The following SP4 variants were observed in gnomAD, a reference collection of about 807,000 sequenced individuals.
The protein encoded by SP4 is transcription factor Sp4.
Under a neutral mutation model 72.8 loss-of-function variants are expected in SP4, and 19 were observed. The observed-to-expected ratio is 0.26, with a 90% CI of 0.18 to 0.38. The LOEUF is 0.38. SP4 is among the 10% of genes least tolerant of loss of function. The pLI, the probability that SP4 is intolerant of heterozygous loss-of-function variation, is 1.00. For missense variants in SP4, 1,008 were observed against 926.3 expected (o/e 1.09, Z -1.14); for synonymous variants, 395 against 333.1 (o/e 1.19, Z -2.02).
chr7:21,460,431 C>G (rs1224239315), intron 3 of SP4, among the ~76,000 whole-genome samples: 4 of 151,932 alleles, frequency 2.6e-5, no homozygotes, highest in Non-Finnish European at 5.9e-5. Context: ...AGGAGTGAAG[C>G]TGCAGACCTT....
chr7:21,485,222 T>C (rs1394082581), intron 5 of SP4, among the ~76,000 whole-genome samples: 1 of 152,010 alleles, frequency 6.6e-6, no homozygotes, highest in Non-Finnish European at 1.5e-5. Context: ...TAGCAACAAC[T>C]ATGCTTTATT....
intron 5 of SP4, among the ~76,000 whole-genome samples, chr7:21,499,760 A>T (rs1211067267): frequency 1.3e-5 from 2 of 152,248 alleles, no homozygotes; most frequent in African/African-American, 4.8e-5. Context: ...ATATGGAGGT[A>T]TATTATCAAA....
chr7:21,454,395 T>G (rs189616940), intron 3 of SP4, among the ~76,000 whole-genome samples: 1 of 151,132 alleles, frequency 6.6e-6, no homozygotes. Flanking sequence ...ATCTACAACA[T>G]ACTTGGACTC....
intron 5 of SP4, among the ~76,000 whole-genome samples, chr7:21,499,038 C>T (rs1484846568): frequency 2.7e-5 from 4 of 149,288 alleles, no homozygotes; most frequent in Non-Finnish European, 4.4e-5. Flanking sequence ...CGAGATCACG[C>T]CACTGCACTC....
intron 4 of SP4, among the ~76,000 whole-genome samples, chr7:21,480,634 A>G (rs565811584): frequency 6.6e-6 from 1 of 152,278 alleles, no homozygotes; most frequent in South Asian, 2.1e-4. Context: ...CAGTCTAGCT[A>G]AAAGTTTGTT....
intron 4 of SP4, among the ~76,000 whole-genome samples, chr7:21,481,229 A>G (rs1199588159): frequency 6.6e-6 from 1 of 152,330 alleles, no homozygotes; most frequent in East Asian, 1.9e-4. Context: ...TAAGATAAGA[A>G]ATGCAGACAT....
Position 21,428,185 on chromosome 7 carries a change from C to A in SP4, c.-67C>A. ...GGGCGGGACCGGCCTCTCCTCCCGCCTCGCCCCCACCCCCACCCACCTCTA... is the reference window on the plus strand; with the variant it reads ...GGGCGGGACCGGCCTCTCCTCCCGCATCGCCCCCACCCCCACCCACCTCTA... On this transcript the variant is annotated 5_prime_UTR_variant, in exon 1 of 6. Transcript: ENST00000222584. 1 of 622,634 alleles carries A rather than the reference C, an allele frequency of 1.6e-6. No homozygotes were observed. The highest frequency in any genetic ancestry group is 1.6e-5 in the South Asian group (1 of 64,056). 38.6% of individuals were successfully genotyped at this position (622,634 alleles called of 1,614,324 possible).
At chr7:21,455,627 T>C (rs949914941) in intron 3 of SP4, among the ~76,000 whole-genome samples, 2 of 152,218 alleles carry the variant, frequency 1.3e-5, no homozygotes, top group Non-Finnish European at 2.9e-5. Context: ...GAGACACCAA[T>C]ATGAACAGGG....
chr7:21,482,561 C>G (rs1784715424), intron 5 of SP4: 1 of 564,438 alleles, frequency 1.8e-6, no homozygotes, highest in Non-Finnish European at 2.2e-6. Flanking sequence ...AACCCTCAGT[C>G]AGAATGGTCA....
At chr7:21,455,500 C>T (rs1474403559) in intron 3 of SP4, among the ~76,000 whole-genome samples, 1 of 152,144 alleles carries the variant, frequency 6.6e-6, no homozygotes, top group African/African-American at 2.4e-5. Context: ...CTCTTACTTT[C>T]CTATATCCTG....
chr7:21,484,565 A>G (rs1784765197), intron 5 of SP4, among the ~76,000 whole-genome samples: 1 of 151,942 alleles, frequency 6.6e-6, no homozygotes, highest in South Asian at 2.1e-4. Context: ...CTTTCTGTAT[A>G]GTATATACAC....
At chr7:21,438,146 G>A (rs1168937381) in intron 3 of SP4, among the ~76,000 whole-genome samples, 3 of 151,922 alleles carry the variant, frequency 2.0e-5, no homozygotes, top group Admixed American at 6.6e-5. Flanking sequence ...ATTAAAGATT[G>A]GATGTTCATC....
rs1413206062 is a variant in SP4 at position 21,429,360 on chromosome 7, A to C, written c.195A>C (p.Gln65His). ...AAATAGGGACTCCTGGTGAAAATCAAGCAACTGGACAACAACAAATTATTA... is the reference window on the plus strand; with the variant it reads ...AAATAGGGACTCCTGGTGAAAATCACGCAACTGGACAACAACAAATTATTA... ...CSKIGTPGEN[Q>H]ATGQQQIIID... Residue 65 changes from glutamine (Q) to histidine (H), a missense_variant, in exon 3 of 6, where the codon CAA becomes CAC. Transcript: ENST00000222584. 1 of 1,613,896 alleles carries C rather than the reference A, an allele frequency of 6.2e-7. No individual in the cohort carries two copies. Among genetic ancestry groups the C allele is most frequent in the African/African-American group, 1.3e-5 (1 of 74,880 alleles).
At chr7:21,500,881 G>A (rs1345465635) in intron 5 of SP4, among the ~76,000 whole-genome samples, 1 of 152,132 alleles carries the variant, frequency 6.6e-6, no homozygotes, top group Admixed American at 6.5e-5. Flanking sequence ...GTTACTTAAT[G>A]TGGGAAACAC....
At chr7:21,442,709 T>A (rs1783299807) in intron 3 of SP4, among the ~76,000 whole-genome samples, 1 of 152,172 alleles carries the variant, frequency 6.6e-6, no homozygotes, top group Non-Finnish European at 1.5e-5. Context: ...GGATTTCACA[T>A]GCAATTTTTG....
At chr7:21,463,426 T>C (rs991246846) in intron 3 of SP4, among the ~76,000 whole-genome samples, 4 of 152,214 alleles carry the variant, frequency 2.6e-5, no homozygotes, top group East Asian at 1.9e-4. Flanking sequence ...GTAATCTCTT[T>C]CCTTGGTGTT....
intron 3 of SP4, among the ~76,000 whole-genome samples, chr7:21,471,923 A>G (rs1009867037): frequency 1.3e-5 from 2 of 152,266 alleles, no homozygotes; most frequent in Non-Finnish European, 2.9e-5. Flanking sequence ...CTTACCACAT[A>G]GTAGATATAA....
chr7:21,471,014 G>A (rs753659991), intron 3 of SP4: 2 of 533,862 alleles, frequency 3.7e-6, no homozygotes, highest in Admixed American at 3.9e-5. Flanking sequence ...CAGACCAAGG[G>A]AGATGGAGGT....
Position 21,507,655 on chromosome 7 carries a change from T to C in SP4, c.2108-3367T>C, listed in dbSNP as rs1161391980. On this transcript the variant is annotated intron_variant, in intron 5 of 5. Coordinates refer to ENST00000222584, the MANE Select transcript of SP4 (RefSeq NM_003112.5). ...GAGAATTAAAGCTTGGCACACCTAA[T>C]TTTTATCTGAGCCAAACTTAGGCCA... 9.8e-5 allele frequency among the ~76,000 whole-genome samples: 15 copies of C among 152,310 alleles called. No individual in the cohort carries two copies. In the South Asian group the frequency reaches 1.7e-3, roughly 17 times the overall value.
Sources: allele counts gnomAD v4.1 joint callset (sites outside exome capture counted in the v4.1 genomes callset), GRCh38; gene constraint gnomAD v4.1.1; transcripts MANE v1.5; gene names NCBI Gene and HGNC (gene_info 2026-07-23, HGNC 2026-07-21).